RPA1: variants seen among roughly 807,000 people sequenced by gnomAD.
The protein encoded by RPA1 is replication protein A 70 kDa DNA-binding subunit.
In RPA1, 49 loss-of-function variants were observed where a neutral mutation model predicts 83.0. That is an observed-to-expected ratio of 0.59 (90% CI 0.47 to 0.75). RPA1 has a LOEUF of 0.75. RPA1 is among the 30% of genes least tolerant of loss of function. RPA1 has a pLI of 0.00. For missense variants in RPA1, 693 were observed against 776.1 expected (o/e 0.89, Z 1.27); for synonymous variants, 279 against 281.8 (o/e 0.99, Z 0.10).
rs17292629 is a variant in RPA1 at position 1,899,137 on chromosome 17, G to C, written c.*1962G>C. 1.3e-5 allele frequency: 2 copies of C among 152,846 alleles called. No homozygotes were observed. The highest frequency in any genetic ancestry group is 2.9e-5 in the Non-Finnish European group (2 of 68,122). The allele number at this position is 152,846 out of a possible 1,614,324, so 9.5% of individuals were successfully genotyped here. A position where few individuals can be genotyped will look rare whatever the true frequency, so the allele number is the denominator to read the frequency against. The stretch of plus-strand genomic sequence containing the variant: ...GGATGTGATTGGGAACCCAGGGGCA[G>C]TGCCAGGGGGAGGGCTCCCTCGAGG... On this transcript the variant is annotated 3_prime_UTR_variant, in exon 17 of 17. Transcript: ENST00000254719.
chr17:1,844,100 A>T (rs1597422371), intron 3 of RPA1, 102 bp downstream of exon 3: 1 of 939,214 alleles, frequency 1.1e-6, no homozygotes, highest in African/African-American at 1.6e-5. Flanking sequence ...TGAAGTCCGT[A>T]CTTGCTTGGC....
chr17:1,875,057 C>T (rs1597447578), intron 6 of RPA1, among the ~76,000 whole-genome samples: 1 of 152,178 alleles, frequency 6.6e-6, no homozygotes, highest in South Asian at 2.1e-4. Context: ...ATTAAGGAGG[C>T]GGAAGGGTCT....
chr17:1,877,767 A>G (rs1353501934), intron 8 of RPA1, among the ~76,000 whole-genome samples: 1 of 152,224 alleles, frequency 6.6e-6, no homozygotes, highest in Non-Finnish European at 1.5e-5. Flanking sequence ...GAAGGCACAC[A>G]GTTGTGACCT....
At chr17:1,844,998 A>G (rs1912202512) in intron 4 of RPA1, among the ~76,000 whole-genome samples, 1 of 152,118 alleles carries the variant, frequency 6.6e-6, no homozygotes, top group Non-Finnish European at 1.5e-5. Context: ...CATGTTGCCC[A>G]GGCTGGTCTC....
At chr17:1,862,327 G>A (rs1309743712) in intron 5 of RPA1, among the ~76,000 whole-genome samples, 2 of 150,150 alleles carry the variant, frequency 1.3e-5, no homozygotes, top group African/African-American at 2.5e-5. Flanking sequence ...GAGCCACAGC[G>A]CCCAGCTTAG....
chr17:1,854,826 T>C (rs1309163999), intron 5 of RPA1, among the ~76,000 whole-genome samples: 3 of 152,234 alleles, frequency 2.0e-5, no homozygotes, highest in African/African-American at 7.2e-5. Context: ...AATAAAGTAC[T>C]TCATTAGCAA....
chr17:1,887,569 A>G (rs1914039793), intron 13 of RPA1, among the ~76,000 whole-genome samples: 1 of 151,328 alleles, frequency 6.6e-6, no homozygotes, highest in Admixed American at 6.6e-5. Context: ...GAAAAAAAAA[A>G]AAAATCACCA....
chr17:1,847,969 G>T (rs1912324033), intron 4 of RPA1, among the ~76,000 whole-genome samples: 2 of 151,818 alleles, frequency 1.3e-5, no homozygotes. Flanking sequence ...GTTGCAGTGA[G>T]CCGAGACTCC....
In RPA1 at chr17:1,886,293, A is replaced by G. The variant is rs563167531; in HGVS notation, c.1374+2349A>G. Among the ~76,000 whole-genome samples, 20 of 152,328 alleles carry G rather than the reference A, an allele frequency of 1.3e-4. 1 individual carries two copies. In the South Asian group the frequency reaches 3.9e-3, roughly 30 times the overall value. On this transcript the variant is annotated intron_variant, in intron 13 of 16. Transcript: ENST00000254719. ...TAGATATGCTGTCATCCAAGCTTTG[A>G]TATTCTATTTATAAAGCAGAGGCAA...
chr17:1,837,679 C>T (rs982397682), intron 1 of RPA1, among the ~76,000 whole-genome samples: 6 of 152,116 alleles, frequency 3.9e-5, no homozygotes, highest in African/African-American at 1.2e-4. Context: ...TGGCTAGTGA[C>T]GTTGAGCATC....
At chr17:1,846,443 G>A (rs150707765) in intron 4 of RPA1, among the ~76,000 whole-genome samples, 1,488 of 144,822 alleles carry the variant, frequency 0.01, 35 homozygotes, top group African/African-American at 0.035. Context: ...TCAGCCTCCC[G>A]AGTAGCTGGG....
In RPA1 at chr17:1,895,065, C is replaced by T. The variant is rs1426663648; in HGVS notation, c.1716C>T (p.Phe572=). The change falls in exon 16 of 17, where the codon TTC becomes TTT. Residue 572 remains phenylalanine, a synonymous_variant. Coordinates refer to ENST00000254719, the MANE Select transcript of RPA1 (RefSeq NM_002945.5). ...FQNANFRSFI[F]RVRVKVETYN... is the part of the protein sequence containing the mutation. The stretch of plus-strand genomic sequence containing the variant: ...ATGCCAACTTCCGATCTTTCATATT[C>T]AGAGTCAGGGTCAAAGTGGAGACCT... 2 of 1,613,572 alleles carry T rather than the reference C, an allele frequency of 1.2e-6. No homozygotes were observed. Among genetic ancestry groups the T allele is most frequent in the Non-Finnish European group, 8.5e-7 (1 of 1,179,726 alleles).
At chr17:1,869,472 AG>A (rs1913300793) in intron 5 of RPA1, among the ~76,000 whole-genome samples, 1 of 151,782 alleles carries the variant, frequency 6.6e-6, no homozygotes, top group Non-Finnish European at 1.5e-5. Context: ...CGGGAGGCGG[AG>A]GTTGCAGTGA....
At chr17:1,893,183 G>A (rs1311156966) in intron 15 of RPA1, among the ~76,000 whole-genome samples, 1 of 152,156 alleles carries the variant, frequency 6.6e-6, no homozygotes, top group African/African-American at 2.4e-5. Flanking sequence ...AAGTGTGATA[G>A]TATCTTTTGT....
chr17:1,862,790 C>T (rs957039855), intron 5 of RPA1, among the ~76,000 whole-genome samples: 1 of 134,534 alleles, frequency 7.4e-6, no homozygotes, highest in Non-Finnish European at 1.5e-5. Context: ...GGAACGATCT[C>T]CGCTCACTGC....
intron 4 of RPA1, among the ~76,000 whole-genome samples, chr17:1,850,901 A>G (rs111604264): frequency 9.0e-4 from 137 of 152,346 alleles, no homozygotes; most frequent in African/African-American, 3.2e-3. Context: ...CTCAAAAAAA[A>G]AAATAAGAAT....
rs748753709 is a variant in RPA1 at position 1,895,092 on chromosome 17, C to T, written c.1743C>T (p.Tyr581=). 1.2e-6 allele frequency: 2 copies of T among 1,612,914 alleles called. No individual in the cohort carries two copies. The highest frequency in any genetic ancestry group is 1.1e-5 in the South Asian group (1 of 91,026). ...IFRVRVKVET[Y]NDESRIKATV... ...GAGTCAGGGTCAAAGTGGAGACCTA[C>T]AACGTAAGTAAGGGCCTGGGCAGCA... Residue 581 remains tyrosine (Y), a synonymous_variant, in exon 16 of 17, where the codon TAC becomes TAT. Transcript: ENST00000254719.
At chr17:1,836,292 T>C (rs563066439) in intron 1 of RPA1, among the ~76,000 whole-genome samples, 1 of 152,066 alleles carries the variant, frequency 6.6e-6, no homozygotes, top group South Asian at 2.1e-4. Flanking sequence ...GTATTTTTAA[T>C]AGTGATGGGG....
intron 6 of RPA1, among the ~76,000 whole-genome samples, chr17:1,873,604 A>G (rs1159359005): frequency 6.6e-6 from 1 of 152,078 alleles, no homozygotes; most frequent in African/African-American, 2.4e-5. Context: ...TCTACCTTGC[A>G]CGATCCGTCT....
Sources: gnomAD v4.1 joint callset for allele counts (sites outside exome capture counted in the v4.1 genomes callset) on GRCh38, gnomAD v4.1.1 for gene constraint, MANE v1.5 for transcripts, NCBI Gene and HGNC (gene_info 2026-07-23, HGNC 2026-07-21) for gene names.